EXOC2: variants seen among roughly 807,000 people sequenced by gnomAD.
EXOC2 encodes the protein exocyst complex component 2, also known as SEC5-like 1.
EXOC2 carries 70 observed loss-of-function variants against 131.8 expected under a neutral mutation model. The ratio of observed to expected loss-of-function variants is 0.53; its 90% confidence interval spans 0.44 to 0.65. The LOEUF (loss-of-function observed/expected upper bound fraction) is 0.65. EXOC2 is among the 30% of genes least tolerant of loss of function. The pLI is 0.00. For missense variants in EXOC2, 923 were observed against 1,108.6 expected (o/e 0.83, Z 2.38); for synonymous variants, 411 against 398.4 (o/e 1.03, Z -0.38).
chr6:676,289 G>A (rs1365515832), intron 1 of EXOC2, among the ~76,000 whole-genome samples: 6 of 103,956 alleles, frequency 5.8e-5, no homozygotes, highest in African/African-American at 2.1e-4. Flanking sequence ...GGTTCCTCTG[G>A]AGACTCTGCG....
At chr6:587,533 C>T (rs999167252) in intron 11 of EXOC2, among the ~76,000 whole-genome samples, 10 of 152,334 alleles carry the variant, frequency 6.6e-5, no homozygotes, top group African/African-American at 1.2e-4. Flanking sequence ...CGTGAGCCAC[C>T]GCGCCCGGCC....
chr6:544,588 T>C (rs1278092578), intron 22 of EXOC2, among the ~76,000 whole-genome samples: 11 of 152,194 alleles, frequency 7.2e-5, no homozygotes, highest in Non-Finnish European at 1.0e-4. Flanking sequence ...ATGAAACACA[T>C]ATATATAGAG....
chr6:581,661 T>C (rs1314248791), intron 11 of EXOC2, among the ~76,000 whole-genome samples: 1 of 152,226 alleles, frequency 6.6e-6, no homozygotes, highest in Non-Finnish European at 1.5e-5. Flanking sequence ...ACATTAGTAT[T>C]TGAGTTATTA....
At chr6:623,823 G>A (rs563057359) in intron 4 of EXOC2, among the ~76,000 whole-genome samples, 56 of 152,250 alleles carry the variant, frequency 3.7e-4, no homozygotes, top group African/African-American at 1.2e-3. Flanking sequence ...CTTTCAAGAA[G>A]GGAAACCAAG....
chr6:505,390 A>C (rs1764484223), intron 23 of EXOC2, among the ~76,000 whole-genome samples: 1 of 152,206 alleles, frequency 6.6e-6, no homozygotes, highest in Non-Finnish European at 1.5e-5. Context: ...GGATCGGGGG[A>C]CACAGACAGA....
chr6:639,453 C>G (rs1337848965), intron 1 of EXOC2, among the ~76,000 whole-genome samples: 1 of 116,998 alleles, frequency 8.5e-6, no homozygotes, highest in Non-Finnish European at 1.8e-5. Flanking sequence ...GCAAGCCCCT[C>G]CTGCCCTTGC....
At chr6:605,117 C>T (rs1327672614) in intron 7 of EXOC2, among the ~76,000 whole-genome samples, 2 of 152,166 alleles carry the variant, frequency 1.3e-5, no homozygotes. Context: ...AGAGGAAGGA[C>T]TAAAAATTGC....
chr6:564,225 C>T, intron 15 of EXOC2, 71 bp from the exon 16 acceptor site: 1 of 1,567,400 alleles, frequency 6.4e-7, no homozygotes, highest in South Asian at 1.2e-5. Context: ...ATCTCTTTCA[C>T]TGTATAATCA....
chr6:500,623 A>G (rs180767027), intron 23 of EXOC2, among the ~76,000 whole-genome samples: 215 of 152,280 alleles, frequency 1.4e-3, no homozygotes, highest in Non-Finnish European at 1.6e-3. Flanking sequence ...ATTTTGCAGG[A>G]AAAAAACCCC....
chr6:640,440 A>G (rs545097116), intron 1 of EXOC2, among the ~76,000 whole-genome samples: 1 of 152,308 alleles, frequency 6.6e-6, no homozygotes, highest in South Asian at 2.1e-4. Flanking sequence ...CAGAACAAAC[A>G]TATTGCAGGT....
chr6:675,996 C>T (rs1298629706), intron 1 of EXOC2, among the ~76,000 whole-genome samples: 1 of 127,544 alleles, frequency 7.8e-6, no homozygotes, highest in African/African-American at 2.8e-5. Context: ...TACTCTTCAA[C>T]ATTACGGAAA....
chr6:512,946 AT>A (rs1281078561), intron 23 of EXOC2, among the ~76,000 whole-genome samples: 1 of 152,230 alleles, frequency 6.6e-6, no homozygotes, highest in Non-Finnish European at 1.5e-5. Context: ...AAATACCTGA[AT>A]AAATCCATGA....
intron 11 of EXOC2, among the ~76,000 whole-genome samples, chr6:586,354 C>T (rs947889844): frequency 2.0e-5 from 3 of 152,196 alleles, no homozygotes; most frequent in Non-Finnish European, 4.4e-5. Flanking sequence ...CAGGGACAGC[C>T]TTACATTTCC....
chr6:495,314 A>AC (rs1159845270), intron 25 of EXOC2, among the ~76,000 whole-genome samples: 1 of 150,966 alleles, frequency 6.6e-6, no homozygotes, highest in Non-Finnish European at 1.5e-5. Flanking sequence ...TTTAGTAGAG[A>AC]CGGGTTTCAC....
intron 4 of EXOC2, 132 bp downstream of exon 4, chr6:629,703 T>C (rs1404519927): frequency 1.6e-5 from 17 of 1,068,390 alleles, no homozygotes; most frequent in African/African-American, 3.3e-5. Flanking sequence ...ATAACACCCA[T>C]CTCCAAACAA....
At chr6:540,229 A>C (rs1165656776) in intron 22 of EXOC2, among the ~76,000 whole-genome samples, 1 of 152,174 alleles carries the variant, frequency 6.6e-6, no homozygotes, top group Non-Finnish European at 1.5e-5. Context: ...TGCAGGGATT[A>C]CAGGCAGGAG....
At chr6:553,830 C>G (rs376000836) in intron 21 of EXOC2, 24 bp downstream of exon 21, 1 of 1,598,112 alleles carries the variant, frequency 6.3e-7, no homozygotes, top group African/African-American at 1.3e-5. Flanking sequence ...AAATGGTTTA[C>G]TTTCTAGTTA....
At chr6:532,651 G>A (rs769082648) in intron 22 of EXOC2, 41 bp from the exon 23 acceptor site, 1 of 1,389,598 alleles carries the variant, frequency 7.2e-7, no homozygotes, top group Non-Finnish European at 9.4e-7. Context: ...CCTATTTGAG[G>A]GTGATGGAAA....
intron 4 of EXOC2, among the ~76,000 whole-genome samples, chr6:620,459 G>A (rs563597040): frequency 2.0e-5 from 3 of 152,222 alleles, no homozygotes; most frequent in African/African-American, 4.8e-5. Flanking sequence ...CTGATTTGCC[G>A]CCCCCTCTAA....
Sources: gnomAD v4.1 joint callset for allele counts (sites outside exome capture counted in the v4.1 genomes callset) on GRCh38, gnomAD v4.1.1 for gene constraint, MANE v1.5 for transcripts, NCBI Gene and HGNC (gene_info 2026-07-23, HGNC 2026-07-21) for gene names.